Variants in HS6ST3 observed in about 807,000 individuals in gnomAD.
HS6ST3 encodes the protein heparan-sulfate 6-O-sulfotransferase 3.
HS6ST3 carries 12 observed loss-of-function variants against 36.7 expected under a neutral mutation model. That is an observed-to-expected ratio of 0.33 (90% CI 0.21 to 0.53). HS6ST3 has a LOEUF of 0.53. Among genes scored for constraint, HS6ST3 ranks in the 20% least tolerant of loss-of-function variants. The pLI, the probability that HS6ST3 is intolerant of heterozygous loss-of-function variation, is 0.95. For missense variants in HS6ST3, 584 were observed against 640.9 expected, an observed-to-expected ratio of 0.91 and a Z score of 0.96; for synonymous variants, 240 against 257.5, an observed-to-expected ratio of 0.93 and a Z score of 0.65.
At chr13:96,522,789 A>G (rs1043294346) in intron 1 of HS6ST3, among the ~76,000 whole-genome samples, 1 of 152,124 alleles carries the variant, frequency 6.6e-6, no homozygotes, top group Non-Finnish European at 1.5e-5. Flanking sequence ...TGAATACAGC[A>G]CACCAATGGG....
chr13:96,700,398 A>T (rs948144872), intron 1 of HS6ST3, among the ~76,000 whole-genome samples: 9 of 152,106 alleles, frequency 5.9e-5, no homozygotes, highest in African/African-American at 1.9e-4. Flanking sequence ...CCCACAACAC[A>T]TAGGAATTAT....
At chr13:96,708,483 A>G (rs144109630) in intron 1 of HS6ST3, among the ~76,000 whole-genome samples, 2 of 152,328 alleles carry the variant, frequency 1.3e-5, no homozygotes, top group African/African-American at 4.8e-5. Flanking sequence ...CATAAAATCA[A>G]TAATATTCAA....
chr13:96,161,517 A>C (rs538288284), intron 1 of HS6ST3, among the ~76,000 whole-genome samples: 1 of 152,316 alleles, frequency 6.6e-6, no homozygotes, highest in African/African-American at 2.4e-5. Flanking sequence ...GATTCCTAAC[A>C]TGGAGTTCTT....
At chr13:96,398,274 T>C (rs549524626) in intron 1 of HS6ST3, among the ~76,000 whole-genome samples, 39 of 152,276 alleles carry the variant, frequency 2.6e-4, no homozygotes, top group African/African-American at 9.1e-4. Flanking sequence ...TAATTATCTA[T>C]TGCATTTTAT....
intron 1 of HS6ST3, among the ~76,000 whole-genome samples, chr13:96,808,628 A>G (rs1321349104): frequency 6.6e-6 from 1 of 152,202 alleles, no homozygotes; most frequent in Non-Finnish European, 1.5e-5. Context: ...AAGATAACCC[A>G]ACCTCTTCTG....
chr13:96,689,606 C>CTTTGT (rs547289756), intron 1 of HS6ST3, among the ~76,000 whole-genome samples: 2 of 101,232 alleles, frequency 2.0e-5, no homozygotes, highest in Non-Finnish European at 3.7e-5. Context: ...TTCTTTCTTT[C>CTTTGT]TTTTTTTTTT....
intron 1 of HS6ST3, among the ~76,000 whole-genome samples, chr13:96,615,589 G>T (rs922376641): frequency 6.6e-6 from 1 of 152,188 alleles, no homozygotes; most frequent in African/African-American, 2.4e-5. Flanking sequence ...GAAGGGAAGA[G>T]ACAAAATCAT....
intron 1 of HS6ST3, among the ~76,000 whole-genome samples, chr13:96,566,294 A>AT (rs777486898): frequency 2.6e-5 from 4 of 152,200 alleles, no homozygotes; most frequent in Non-Finnish European, 1.5e-5. Context: ...TAAACTAATA[A>AT]TTTTTTTAGA....
intron 1 of HS6ST3, among the ~76,000 whole-genome samples, chr13:96,532,898 G>A (rs1395869263): frequency 1.3e-5 from 2 of 152,076 alleles, no homozygotes; most frequent in Admixed American, 1.3e-4. Flanking sequence ...GGGTGGGAGG[G>A]GAACAAGCAT....
chr13:96,644,745 G>A (rs1411262826), intron 1 of HS6ST3, among the ~76,000 whole-genome samples: 1 of 151,950 alleles, frequency 6.6e-6, no homozygotes, highest in Non-Finnish European at 1.5e-5. Flanking sequence ...AATTGTCATA[G>A]GAGCATGTTA....
chr13:96,542,267 A>G (rs1041007438), intron 1 of HS6ST3, among the ~76,000 whole-genome samples: 1 of 152,206 alleles, frequency 6.6e-6, no homozygotes, highest in African/African-American at 2.4e-5. Context: ...GTTTAGCTTT[A>G]TTCATTGAGC....
chr13:96,767,731 G>A (rs1393724852), intron 1 of HS6ST3, among the ~76,000 whole-genome samples: 1 of 152,180 alleles, frequency 6.6e-6, no homozygotes, highest in Admixed American at 6.5e-5. Flanking sequence ...TTAGACTGGG[G>A]ACTGAAGAAT....
In HS6ST3 at chr13:96,750,288, G is replaced by A. The variant is rs1876667355; in HGVS notation, c.708-82202G>A. 2.0e-5 allele frequency among the ~76,000 whole-genome samples: 3 copies of A among 152,292 alleles called. No homozygotes were observed. The South Asian group carries it at 6.2e-4, about 32-fold the overall frequency. On this transcript the variant is annotated intron_variant, in intron 1 of 1. Transcript: ENST00000376705. ...GGATAGGCTGCTTAGGTTTGCACAA[G>A]CCCCAGGGAAGACCAGGGATTGTAA... is the stretch of plus-strand genomic sequence containing the variant.
At chr13:96,299,928 C>T (rs892672604) in intron 1 of HS6ST3, among the ~76,000 whole-genome samples, 2 of 151,826 alleles carry the variant, frequency 1.3e-5, no homozygotes, top group African/African-American at 4.8e-5. Flanking sequence ...GCTCCACAGA[C>T]TACAGGAGGC....
chr13:96,388,410 T>C (rs904002836), intron 1 of HS6ST3, among the ~76,000 whole-genome samples: 7 of 152,222 alleles, frequency 4.6e-5, no homozygotes, highest in Admixed American at 1.3e-4. Flanking sequence ...AATATTAATG[T>C]ACTGAACTAG....
intron 1 of HS6ST3, among the ~76,000 whole-genome samples, chr13:96,284,910 G>GCTTGCTTGCTTGCTTTCTTTCTTTCTTT (rs1343778101): frequency 7.4e-6 from 1 of 134,564 alleles, no homozygotes; most frequent in African/African-American, 2.7e-5. Flanking sequence ...ATGCATATTT[G>GCTTGCTTGCTTGCTTTCTTTCTTTCTTT]CTTTCTTTCT....
intron 1 of HS6ST3, among the ~76,000 whole-genome samples, chr13:96,428,016 G>A (rs1308040496): frequency 6.6e-6 from 1 of 152,158 alleles, no homozygotes; most frequent in Non-Finnish European, 1.5e-5. Context: ...GTTGGTATCT[G>A]TGGGGTTCTT....
chr13:96,123,623 G>T (rs192139296), intron 1 of HS6ST3, among the ~76,000 whole-genome samples: 1 of 152,242 alleles, frequency 6.6e-6, no homozygotes, highest in African/African-American at 2.4e-5. Flanking sequence ...TTCTCAACTG[G>T]TTTCCATTAC....
intron 1 of HS6ST3, among the ~76,000 whole-genome samples, chr13:96,571,247 T>C (rs2056300021): frequency 6.6e-6 from 1 of 152,238 alleles, no homozygotes; most frequent in South Asian, 2.1e-4. Flanking sequence ...TGTTGGTCTG[T>C]TCATCGTAAT....
Sources: gnomAD v4.1 joint callset for allele counts (sites outside exome capture counted in the v4.1 genomes callset) on GRCh38, gnomAD v4.1.1 for gene constraint, MANE v1.5 for transcripts, NCBI Gene and HGNC (gene_info 2026-07-23, HGNC 2026-07-21) for gene names.